The following ENTPD1 variants were observed in gnomAD, a reference collection of about 807,000 sequenced individuals.
ENTPD1 encodes ectonucleoside triphosphate diphosphohydrolase 1.
Under a neutral mutation model 57.0 loss-of-function variants are expected in ENTPD1, and 33 were observed. The observed-to-expected ratio is 0.58, with a 90% CI of 0.44 to 0.77. ENTPD1 has a LOEUF of 0.77. Ranked by LOEUF, ENTPD1 falls within the 30% of genes least tolerant of loss-of-function variation. ENTPD1 has a pLI of 0.00. For synonymous variants in ENTPD1, 202 were observed against 218.8 expected, an observed-to-expected ratio of 0.92 and a Z score of 0.68; for missense variants, 501 against 603.4, an observed-to-expected ratio of 0.83 and a Z score of 1.78.
intron 1 of ENTPD1, among the ~76,000 whole-genome samples, chr10:95,783,851 G>C (rs187654362): frequency 6.6e-6 from 1 of 152,236 alleles, no homozygotes; most frequent in Non-Finnish European, 1.5e-5. Context: ...GGTTGCCTGG[G>C]GAACTCAGCT....
chr10:95,756,359 A>G, intron 1 of ENTPD1, 104 bp downstream of exon 1: 1 of 1,305,232 alleles, frequency 7.7e-7, no homozygotes, highest in Non-Finnish European at 1.1e-6. Flanking sequence ...GGAGGCAAAA[A>G]GCCCTGAATG....
At chr10:95,723,183 A>G (rs575936135) in intron 1 of ENTPD1, among the ~76,000 whole-genome samples, 1 of 152,298 alleles carries the variant, frequency 6.6e-6, no homozygotes, top group Non-Finnish European at 1.5e-5. Context: ...AAGACCTTCC[A>G]TGATCAATTA....
chr10:95,828,200 G>C (rs2098384333), intron 2 of ENTPD1, among the ~76,000 whole-genome samples: 1 of 152,154 alleles, frequency 6.6e-6, no homozygotes, highest in African/African-American at 2.4e-5. Context: ...CAGATCAGTG[G>C]CAGCATTAGA....
chr10:95,714,603 TA>T (rs2097969430), intron 1 of ENTPD1, among the ~76,000 whole-genome samples: 1 of 152,202 alleles, frequency 6.6e-6, no homozygotes, highest in Non-Finnish European at 1.5e-5. Context: ...GAATAGCTTA[TA>T]ACACTTTATG....
intron 6 of ENTPD1, among the ~76,000 whole-genome samples, chr10:95,847,204 T>G (rs962246855): frequency 2.0e-5 from 3 of 152,140 alleles, no homozygotes; most frequent in African/African-American, 7.2e-5. Context: ...GGGCCCAGTT[T>G]TAACTACATC....
intron 1 of ENTPD1, among the ~76,000 whole-genome samples, chr10:95,735,731 G>A (rs1308024165): frequency 6.6e-6 from 1 of 151,968 alleles, no homozygotes; most frequent in African/African-American, 2.4e-5. Flanking sequence ...GAGTAGCTGG[G>A]ATTACAGGTG....
intron 1 of ENTPD1, among the ~76,000 whole-genome samples, chr10:95,772,945 G>C (rs576089426): frequency 6.6e-6 from 1 of 152,284 alleles, no homozygotes; most frequent in East Asian, 1.9e-4. Context: ...AGTTTATTTG[G>C]CTCACAATTC....
rs763549254 is a variant in ENTPD1, at chr10:95,770,246, T to A, written c.16+13991T>A. Reference sequence around the variant, plus strand: ...AGAAGATTGAGAGAGAGAGAGAGAGTGAGTGAGTGAGTGTGTGTGTGTGTG... The same window carrying A: ...AGAAGATTGAGAGAGAGAGAGAGAGAGAGTGAGTGAGTGTGTGTGTGTGTG... On this transcript the variant is annotated intron_variant, in intron 1 of 9. Transcript: ENST00000371205. 5.7e-4 allele frequency among the ~76,000 whole-genome samples: 71 copies of A among 125,510 alleles called. 1 individual carries two copies. The South Asian group carries it at 0.013, about 23-fold the overall frequency. 82.3% of individuals were successfully genotyped at this position (125,510 alleles called of 152,430 possible). A position where few individuals can be genotyped will look rare whatever the true frequency, so the allele number is the denominator to read the frequency against.
At chr10:95,700,114 A>G in the ENTPD1 span, among the ~76,000 whole-genome samples, 3 of 152,244 alleles carry the variant, frequency 2.0e-5, no homozygotes, top group African/African-American at 4.8e-5. Flanking sequence ...ACTAGTTAAT[A>G]TAAGAGAGAT....
intron 1 of ENTPD1, among the ~76,000 whole-genome samples, chr10:95,769,118 G>A (rs146471726): frequency 2.0e-5 from 3 of 152,288 alleles, no homozygotes; most frequent in East Asian, 3.9e-4. Flanking sequence ...CAAAAGTCTC[G>A]CCATGTACAG....
chr10:95,745,773 GTGTC>G (rs1010826193), intron 1 of ENTPD1, among the ~76,000 whole-genome samples: 2 of 152,190 alleles, frequency 1.3e-5, no homozygotes, highest in Non-Finnish European at 2.9e-5. Flanking sequence ...CTCTCATTGA[GTGTC>G]TGCTGTGCTT....
At chr10:95,723,490 C>T (rs562623630) in intron 1 of ENTPD1, among the ~76,000 whole-genome samples, 1 of 152,134 alleles carries the variant, frequency 6.6e-6, no homozygotes, top group Non-Finnish European at 1.5e-5. Context: ...CCTAAGGATG[C>T]AGTGTAGAGC....
At chr10:95,739,271 A>G (rs531927551) in intron 1 of ENTPD1, among the ~76,000 whole-genome samples, 1 of 152,192 alleles carries the variant, frequency 6.6e-6, no homozygotes, top group Non-Finnish European at 1.5e-5. Context: ...AGTTTGCCAC[A>G]TCAATTGACT....
intron 1 of ENTPD1, among the ~76,000 whole-genome samples, chr10:95,809,540 C>A (rs1350778799): frequency 6.9e-6 from 1 of 145,238 alleles, no homozygotes; most frequent in Non-Finnish European, 1.5e-5. Context: ...GAGGCGCCCC[C>A]CACCTCCCAG....
chr10:95,698,518 C>T, the ENTPD1 span, among the ~76,000 whole-genome samples: 2 of 152,186 alleles, frequency 1.3e-5, no homozygotes, highest in African/African-American at 4.8e-5. Context: ...AGACAGATAC[C>T]ATTCCTTTAG....
At chr10:95,838,779 C>A (rs566923511) in intron 2 of ENTPD1, among the ~76,000 whole-genome samples, 1 of 152,144 alleles carries the variant, frequency 6.6e-6, no homozygotes, top group East Asian at 1.9e-4. Flanking sequence ...TGTAGCTACC[C>A]CTCATTTAAT....
intron 1 of ENTPD1, among the ~76,000 whole-genome samples, chr10:95,770,589 C>T (rs1001939664): frequency 5.3e-5 from 8 of 152,132 alleles, no homozygotes; most frequent in African/African-American, 9.7e-5. Flanking sequence ...CTTTCAGGGC[C>T]AGGAAGTATG....
In ENTPD1 at chr10:95,869,387, T is replaced by C; in HGVS notation, c.*3004T>C. 1 of 677,060 alleles carries C rather than the reference T, an allele frequency of 1.5e-6. No individual in the cohort carries two copies. Among genetic ancestry groups the C allele is most frequent in the South Asian group, 6.7e-5 (1 of 14,978 alleles). The allele number at this position is 677,060 out of a possible 1,614,324, so 41.9% of individuals were successfully genotyped here. On this transcript the variant is annotated 3_prime_UTR_variant, in exon 10 of 10. Coordinates refer to ENST00000371205, the MANE Select transcript of ENTPD1 (RefSeq NM_001776.6). ...GCCTCAGCCTCCCGAGTAGCTGGGA[T>C]TGCAGGTGCCCACCACCACACCCGG...
At chr10:95,820,219 C>T (rs1290411135) in intron 1 of ENTPD1, among the ~76,000 whole-genome samples, 1 of 152,178 alleles carries the variant, frequency 6.6e-6, no homozygotes, top group Non-Finnish European at 1.5e-5. Flanking sequence ...AATTACTGCT[C>T]TCTGGGTAAT....
Sources: allele counts gnomAD v4.1 joint callset (sites outside exome capture counted in the v4.1 genomes callset), GRCh38; gene constraint gnomAD v4.1.1; transcripts MANE v1.5; gene names NCBI Gene and HGNC (gene_info 2026-07-23, HGNC 2026-07-21).